The following COL5A2 variants were observed in gnomAD, a reference collection of about 807,000 sequenced individuals.
The protein encoded by COL5A2 is collagen type V alpha 2 chain.
COL5A2 carries 23 observed loss-of-function variants against 208.2 expected under a neutral mutation model. The observed-to-expected ratio is 0.11, with a 90% CI of 0.08 to 0.16. The LOEUF is 0.16. Among genes scored for constraint, COL5A2 ranks in the 10% least tolerant of loss-of-function variants. COL5A2 has a pLI of 1.00. For missense variants in COL5A2, 1,590 were observed against 1,956.4 expected (o/e 0.81, Z 3.53); for synonymous variants, 625 against 628.5 (o/e 0.99, Z 0.08).
chr2:189,168,581 G>A (rs1256809000), intron 1 of COL5A2, among the ~76,000 whole-genome samples: 3 of 152,110 alleles, frequency 2.0e-5, no homozygotes, highest in African/African-American at 7.2e-5. Flanking sequence ...TTCCAAACTA[G>A]CATAAATGAA....
At chr2:189,200,758 G>A (rs948719354) in intron 1 of COL5A2, among the ~76,000 whole-genome samples, 1 of 150,560 alleles carries the variant, frequency 6.6e-6, no homozygotes, top group African/African-American at 2.4e-5. Flanking sequence ...GAGGGAAAAA[G>A]AATTACATGA....
At position 189,032,605 on chromosome 2, in the gene COL5A2, C is replaced by A. The variant is rs886055348; in HGVS notation, c.*1465G>T. The A allele has an allele frequency of 6.6e-6, 1 of 152,020 alleles. No individual in the cohort carries two copies. Among genetic ancestry groups the A allele is most frequent in the East Asian group, 1.9e-4 (1 of 5,180 alleles). The allele number at this position is 152,020 out of a possible 1,614,324, so 9.4% of individuals were successfully genotyped here. On this transcript the variant is annotated 3_prime_UTR_variant, in exon 54 of 54. Coordinates refer to ENST00000374866, the MANE Select transcript of COL5A2 (RefSeq NM_000393.5). ...GGCTTGTCTTTTGGGATGGTCCCAG[C>A]TGTTTATTTTAAAAGAAAAAAATTA... is the stretch of plus-strand genomic sequence containing the variant.
At chr2:189,305,527 C>A in the COL5A2 span, among the ~76,000 whole-genome samples, 21 of 152,252 alleles carry the variant, frequency 1.4e-4, no homozygotes, top group South Asian at 1.2e-3. Flanking sequence ...TCACCAGATA[C>A]CAAACCTGAC....
At chr2:189,266,241 C>T in the COL5A2 span, among the ~76,000 whole-genome samples, 1 of 151,998 alleles carries the variant, frequency 6.6e-6, no homozygotes, top group Non-Finnish European at 1.5e-5. Context: ...GCCTGACCAA[C>T]ATGGTGAACC....
At chr2:189,422,355 A>C in the COL5A2 span, among the ~76,000 whole-genome samples, 2 of 152,216 alleles carry the variant, frequency 1.3e-5, no homozygotes, top group African/African-American at 2.4e-5. Flanking sequence ...TTTAAGAAAC[A>C]GAAATTTTGG....
chr2:189,292,697 G>A, the COL5A2 span, among the ~76,000 whole-genome samples: 4 of 152,138 alleles, frequency 2.6e-5, no homozygotes, highest in Admixed American at 1.3e-4. Flanking sequence ...TCAGTGTGGC[G>A]ATTCCTCAGG....
At chr2:189,324,552 G>C in the COL5A2 span, among the ~76,000 whole-genome samples, 105 of 152,286 alleles carry the variant, frequency 6.9e-4, no homozygotes, top group African/African-American at 2.4e-3. Context: ...GCAGCCAACA[G>C]ACACATGAAA....
chr2:189,212,742 T>C (rs1009798832), intron 1 of COL5A2, among the ~76,000 whole-genome samples: 5 of 150,178 alleles, frequency 3.3e-5, no homozygotes, highest in Admixed American at 1.3e-4. Flanking sequence ...AGATGGGCAA[T>C]AGAGACAAAG....
chr2:189,440,325 TCA>T, the COL5A2 span, among the ~76,000 whole-genome samples: 1 of 152,208 alleles, frequency 6.6e-6, no homozygotes, highest in Non-Finnish European at 1.5e-5. Flanking sequence ...TGTGTGAATA[TCA>T]CAGAGTGTAC....
intron 1 of COL5A2, among the ~76,000 whole-genome samples, chr2:189,223,277 G>T (rs912845566): frequency 5.3e-5 from 8 of 152,014 alleles, no homozygotes; most frequent in Non-Finnish European, 1.2e-4. Context: ...TCACTTATAA[G>T]AGTTAATGCA....
At position 189,068,819 on chromosome 2, in the gene COL5A2, C is replaced by T. The variant is rs773838623; in HGVS notation, c.1224G>A (p.Gly408=). ...CTGGAGAGCCAACTGGACCTGGGGG[C>T]CCAGTTTCACCTCTCTGCCCCTGAG... ...EGPQGQRGET[G]PPGPVGSPGL... is the part of the protein sequence containing the mutation. The change falls in exon 19 of 54, where the codon GGG becomes GGA. Residue 408 remains glycine (G), a synonymous_variant. Transcript: ENST00000374866. The T allele has an allele frequency of 1.9e-6, 3 of 1,613,210 alleles. No homozygotes were observed. Among genetic ancestry groups the T allele is most frequent in the Admixed American group, 1.7e-5 (1 of 59,970 alleles).
chr2:189,191,893 G>GA (rs762869075), intron 1 of COL5A2, among the ~76,000 whole-genome samples: 64 of 140,526 alleles, frequency 4.6e-4, no homozygotes, highest in South Asian at 6.7e-4. Context: ...ACTCTTGTAA[G>GA]AAAAAAAAAA....
At chr2:189,042,693 T>C (rs1013068908) in intron 49 of COL5A2, 27 bp downstream of exon 49, 2 of 1,599,388 alleles carry the variant, frequency 1.3e-6, no homozygotes, top group East Asian at 2.2e-5. Context: ...TATTTACACC[T>C]GCAACTTACT....
the COL5A2 span, among the ~76,000 whole-genome samples, chr2:189,308,496 A>C: frequency 0.85 from 129,447 of 152,028 alleles, 56,337 homozygotes; most frequent in Non-Finnish European, 0.95. Flanking sequence ...GAGGGAAAAT[A>C]CACTTTTTGT....
At chr2:189,034,768 C>A in intron 53 of COL5A2, 148 bp downstream of exon 53, 2 of 863,622 alleles carry the variant, frequency 2.3e-6, no homozygotes, top group Non-Finnish European at 3.7e-6. Context: ...AACACACACA[C>A]ATTTACCCTA....
intron 51 of COL5A2, among the ~76,000 whole-genome samples, chr2:189,038,910 T>C (rs571569246): frequency 2.0e-5 from 3 of 152,106 alleles, no homozygotes; most frequent in South Asian, 2.1e-4. Context: ...AGGATGGTCT[T>C]GATCTCCTGA....
At chr2:189,088,422 G>A (rs565403134) in intron 8 of COL5A2, among the ~76,000 whole-genome samples, 1 of 152,228 alleles carries the variant, frequency 6.6e-6, no homozygotes, top group South Asian at 2.1e-4. Flanking sequence ...GTGGTTATAT[G>A]TCTTAAACTC....
At chr2:189,106,164 T>C (rs1297392579) in intron 2 of COL5A2, among the ~76,000 whole-genome samples, 2 of 151,506 alleles carry the variant, frequency 1.3e-5, no homozygotes, top group South Asian at 2.1e-4. Context: ...AAGTGTGCTA[T>C]GTTTATATTG....
the COL5A2 span, among the ~76,000 whole-genome samples, chr2:189,319,233 C>G: frequency 6.6e-6 from 1 of 152,106 alleles, no homozygotes; most frequent in East Asian, 1.9e-4. Flanking sequence ...CAGCTCCCAG[C>G]GTGAGCGGCG....
Sources: gnomAD v4.1 joint callset for allele counts (sites outside exome capture counted in the v4.1 genomes callset) on GRCh38, gnomAD v4.1.1 for gene constraint, MANE v1.5 for transcripts, NCBI Gene and HGNC (gene_info 2026-07-23, HGNC 2026-07-21) for gene names.